The following AUTS2 variants were observed in gnomAD, a reference collection of about 807,000 sequenced individuals.
AUTS2 encodes the protein activator of transcription and developmental regulator AUTS2, also known as autism susceptibility gene 2 protein.
Under a neutral mutation model 112.4 loss-of-function variants are expected in AUTS2, and 17 were observed. The observed-to-expected ratio is 0.15, with a 90% CI of 0.10 to 0.23. The LOEUF is 0.23. AUTS2 is among the 10% of genes least tolerant of loss of function. AUTS2 has a pLI of 1.00. For synonymous variants in AUTS2, 751 were observed against 702.7 expected, an observed-to-expected ratio of 1.07 and a Z score of -1.09; for missense variants, 1,510 against 1,701.6, an observed-to-expected ratio of 0.89 and a Z score of 1.98.
At chr7:70,244,503 G>A (rs2129601577) in intron 4 of AUTS2, among the ~76,000 whole-genome samples, 2 of 152,182 alleles carry the variant, frequency 1.3e-5, no homozygotes, top group South Asian at 2.1e-4. Context: ...GCATCTCACA[G>A]GAATCTATTC....
chr7:70,618,722 CAGAGAGAGAGAA>C (rs1237020640), intron 5 of AUTS2, among the ~76,000 whole-genome samples: 4 of 151,314 alleles, frequency 2.6e-5, no homozygotes, highest in South Asian at 2.1e-4. Context: ...AGGGGACAGA[CAGAGAGAGAGAA>C]AGAGAGAGAG....
intron 6 of AUTS2, among the ~76,000 whole-genome samples, chr7:70,758,048 C>A (rs1030511209): frequency 1.3e-5 from 2 of 152,052 alleles, no homozygotes; most frequent in East Asian, 1.9e-4. Context: ...TCCCAAAGTG[C>A]TAGGATTACA....
chr7:70,762,629 C>A (rs1001935615), intron 6 of AUTS2, among the ~76,000 whole-genome samples: 1 of 152,140 alleles, frequency 6.6e-6, no homozygotes, highest in African/African-American at 2.4e-5. Flanking sequence ...CCTTCCCACA[C>A]CCCCAGGGTC....
intron 4 of AUTS2, among the ~76,000 whole-genome samples, chr7:70,190,788 A>C (rs975236123): frequency 2.0e-5 from 3 of 152,198 alleles, no homozygotes; most frequent in African/African-American, 7.2e-5. Flanking sequence ...TTTGCAGCGT[A>C]CACTATTGTA....
At chr7:70,677,090 T>G (rs892960660) in intron 5 of AUTS2, among the ~76,000 whole-genome samples, 2 of 152,200 alleles carry the variant, frequency 1.3e-5, no homozygotes, top group African/African-American at 4.8e-5. Flanking sequence ...TTCTCAGTCC[T>G]TCTCCTCCAG....
At chr7:69,735,109 G>C (rs1342621487) in intron 1 of AUTS2, among the ~76,000 whole-genome samples, 1 of 152,132 alleles carries the variant, frequency 6.6e-6, no homozygotes, top group African/African-American at 2.4e-5. Flanking sequence ...TCTATGTCAA[G>C]TCTCTTACCC....
chr7:70,400,070 C>A (rs1794260721), intron 4 of AUTS2, among the ~76,000 whole-genome samples: 2 of 152,204 alleles, frequency 1.3e-5, no homozygotes, highest in South Asian at 2.1e-4. Context: ...ACAAACTAGT[C>A]AGCACTGAAT....
intron 4 of AUTS2, among the ~76,000 whole-genome samples, chr7:70,260,945 C>T (rs963064708): frequency 2.0e-5 from 3 of 152,040 alleles, no homozygotes; most frequent in African/African-American, 7.3e-5. Context: ...AGACAGGTTT[C>T]ACCATGTTGG....
chr7:70,248,611 T>C (rs1813053317), intron 4 of AUTS2, among the ~76,000 whole-genome samples: 1 of 152,218 alleles, frequency 6.6e-6, no homozygotes, highest in South Asian at 2.1e-4. Context: ...ATTTTGTGCA[T>C]TCTATTTTTG....
intron 5 of AUTS2, among the ~76,000 whole-genome samples, chr7:70,665,135 A>G (rs1006694354): frequency 3.9e-5 from 6 of 152,220 alleles, no homozygotes; most frequent in African/African-American, 1.2e-4. Flanking sequence ...CAACAATTTC[A>G]TCATATTCAA....
chr7:70,132,956 G>A (rs1806357132), intron 3 of AUTS2, among the ~76,000 whole-genome samples: 1 of 152,156 alleles, frequency 6.6e-6, no homozygotes, highest in Admixed American at 6.5e-5. Flanking sequence ...TTCTTCTGCT[G>A]CTGCATGGAG....
intron 5 of AUTS2, among the ~76,000 whole-genome samples, chr7:70,454,235 T>A (rs796510590): frequency 1.1e-4 from 16 of 152,172 alleles, no homozygotes; most frequent in African/African-American, 3.9e-4. Context: ...TTAACGCTAT[T>A]AAAAATCTAG....
chr7:70,393,470 GA>G (rs1379223007), intron 4 of AUTS2, among the ~76,000 whole-genome samples: 6 of 152,030 alleles, frequency 3.9e-5, no homozygotes, highest in Admixed American at 1.3e-4. Flanking sequence ...TGGGGTCGCA[GA>G]AAATTGCCTG....
intron 2 of AUTS2, among the ~76,000 whole-genome samples, chr7:70,086,291 CT>C (rs1248586432): frequency 1.3e-5 from 2 of 152,076 alleles, no homozygotes; most frequent in East Asian, 3.8e-4. Context: ...AGTCTTTTAA[CT>C]CATAAACAAG....
In AUTS2 at chr7:69,630,457, A is replaced by G. The variant is rs555770950; in HGVS notation, c.309+30495A>G. On this transcript the variant is annotated intron_variant, in intron 1 of 18. Transcript: ENST00000342771. ...CAGCCGTGCTAACCATCTTGCTGTA[A>G]ACTAGCCACGAGTAAACGTCTGGTT... Among the ~76,000 whole-genome samples the G allele has an allele frequency of 9.2e-5, 14 of 152,200 alleles. No homozygotes were observed. In the South Asian group the frequency reaches 1.0e-3, roughly 11 times the overall value.
At chr7:69,713,006 A>T (rs745448704) in intron 1 of AUTS2, among the ~76,000 whole-genome samples, 2 of 152,092 alleles carry the variant, frequency 1.3e-5, no homozygotes, top group Admixed American at 1.3e-4. Context: ...TTTGCTGTCC[A>T]TATATCTTCT....
chr7:70,118,945 T>G (rs1256695341), intron 3 of AUTS2: 1 of 151,574 alleles, frequency 6.6e-6, no homozygotes, highest in Admixed American at 6.6e-5. Context: ...CACCTACCCC[T>G]CTTTGGACTC....
rs180849478 is a variant in AUTS2 at position 70,624,977 on chromosome 7, C to T, written c.691-73592C>T. ...TGAGCTCTCCCCAGCTCACCAGTTT[C>T]CTCCTCGGGCTGTTCCACTCCACAG... On this transcript the variant is annotated intron_variant, in intron 5 of 18. Transcript: ENST00000342771. 1.1e-4 allele frequency among the ~76,000 whole-genome samples: 16 copies of T among 152,212 alleles called. No individual in the cohort carries two copies. The East Asian group carries it at 2.1e-3, about 20-fold the overall frequency.
At chr7:70,321,145 T>C (rs1790234542) in intron 4 of AUTS2, among the ~76,000 whole-genome samples, 1 of 152,194 alleles carries the variant, frequency 6.6e-6, no homozygotes, top group African/African-American at 2.4e-5. Flanking sequence ...ATTATTCCCA[T>C]TTGAAAGGTT....
Sources: allele counts gnomAD v4.1 joint callset (sites outside exome capture counted in the v4.1 genomes callset), GRCh38; gene constraint gnomAD v4.1.1; transcripts MANE v1.5; gene names NCBI Gene and HGNC (gene_info 2026-07-23, HGNC 2026-07-21).